IL1RAPL1: variants seen among roughly 807,000 people sequenced by gnomAD.
IL1RAPL1 encodes interleukin-1 receptor accessory protein-like 1.
A neutral mutation model predicts 48.4 loss-of-function variants in IL1RAPL1; 3 were observed. The ratio of observed to expected loss-of-function variants is 0.06; its 90% CI spans 0.03 to 0.16. The LOEUF (loss-of-function observed/expected upper bound fraction) is 0.16, where lower values mean the gene tolerates loss of function less well. IL1RAPL1 is among the 10% of genes least tolerant of loss of function. IL1RAPL1 has a pLI of 1.00. For synonymous variants in IL1RAPL1, 185 were observed against 187.7 expected (o/e 0.99, Z 0.12); for missense variants, 349 against 530.6 (o/e 0.66, Z 3.36).
chrX:29,435,083 G>A (rs1217360333), intron 5 of IL1RAPL1, among the ~76,000 whole-genome samples: 1 of 110,966 alleles, frequency 9.0e-6, no homozygotes, highest in East Asian at 2.8e-4. Context: ...ACTAGCTTAT[G>A]CAATAGCGTA....
At chrX:28,842,454 C>T (rs1483558595) in intron 2 of IL1RAPL1, among the ~76,000 whole-genome samples, 2 of 110,742 alleles carry the variant, frequency 1.8e-5, no homozygotes, top group East Asian at 2.8e-4. Context: ...TCTTTGACCT[C>T]GGCCAAATTC....
chrX:29,514,984 G>T (rs192583308), intron 5 of IL1RAPL1, among the ~76,000 whole-genome samples: 1 of 111,892 alleles, frequency 8.9e-6, no homozygotes, highest in Non-Finnish European at 1.9e-5. Flanking sequence ...CCAGTGTAGT[G>T]GAAGGTGTCA....
intron 6 of IL1RAPL1, among the ~76,000 whole-genome samples, chrX:29,698,984 C>T (rs907568262): frequency 8.9e-6 from 1 of 112,273 alleles, no homozygotes; most frequent in Admixed American, 9.4e-5. Flanking sequence ...GCAAATATTA[C>T]GTGTACATAA....
chrX:29,198,828 T>A (rs1175503944), intron 2 of IL1RAPL1, among the ~76,000 whole-genome samples: 2 of 111,912 alleles, frequency 1.8e-5, no homozygotes, highest in African/African-American at 6.5e-5. Context: ...TCTGTATTTT[T>A]AAAAAAACTT....
intron 2 of IL1RAPL1, among the ~76,000 whole-genome samples, chrX:28,794,111 G>C (rs1220304359): frequency 2.7e-5 from 3 of 110,773 alleles, no homozygotes; most frequent in Non-Finnish European, 5.7e-5. Flanking sequence ...TTTTCTTAAA[G>C]AGCAATCAGT....
intron 5 of IL1RAPL1, among the ~76,000 whole-genome samples, chrX:29,456,648 G>C (rs373930928): frequency 4.5e-5 from 5 of 111,160 alleles, no homozygotes; most frequent in African/African-American, 1.6e-4. Context: ...TTGAAAAGGG[G>C]CTTATCAGTT....
intron 6 of IL1RAPL1, among the ~76,000 whole-genome samples, chrX:29,911,535 A>T (rs1569201069): frequency 8.9e-6 from 1 of 112,292 alleles, no homozygotes; most frequent in Non-Finnish European, 1.9e-5. Flanking sequence ...AGACAGTAGC[A>T]TCTGGTAAAT....
intron 3 of IL1RAPL1, among the ~76,000 whole-genome samples, chrX:29,294,310 C>T (rs1210981112): frequency 6.4e-5 from 7 of 109,646 alleles, no homozygotes; most frequent in Non-Finnish European, 1.3e-4. Flanking sequence ...GGGCAGATCA[C>T]GAGGTCGGGA....
intron 5 of IL1RAPL1, among the ~76,000 whole-genome samples, chrX:29,430,654 A>G (rs1053129237): frequency 7.3e-5 from 8 of 109,930 alleles, no homozygotes; most frequent in Non-Finnish European, 1.1e-4. Flanking sequence ...TTTGGTCTGT[A>G]TCTACATAAA....
chrX:29,691,957 C>G (rs1472013908), intron 6 of IL1RAPL1, among the ~76,000 whole-genome samples: 1 of 112,073 alleles, frequency 8.9e-6, no homozygotes, highest in Non-Finnish European at 1.9e-5. Context: ...ATATTTTCCC[C>G]ATATTTGGGA....
chrX:28,772,511 C>T (rs1794549541), intron 1 of IL1RAPL1, among the ~76,000 whole-genome samples: 1 of 111,312 alleles, frequency 9.0e-6, no homozygotes, highest in African/African-American at 3.3e-5. Context: ...TAGCTTTCCG[C>T]CAGGAAATGT....
intron 2 of IL1RAPL1, among the ~76,000 whole-genome samples, chrX:29,080,923 T>TTTTTCTTTCTTTCTTTCTTTCTTTC (rs1430508549): frequency 1.5e-4 from 13 of 86,169 alleles, no homozygotes; most frequent in Admixed American, 6.8e-4. Context: ...TTTTAAATAT[T>TTTTTCTTTCTTTCTTTCTTTCTTTC]TTTTCTTTCT....
chrX:28,916,168 T>C (rs1923486054), intron 2 of IL1RAPL1, among the ~76,000 whole-genome samples: 1 of 110,696 alleles, frequency 9.0e-6, no homozygotes, highest in African/African-American at 3.3e-5. Flanking sequence ...GTCAAGCATA[T>C]AAAACCTAGA....
Position 29,842,433 on chromosome X carries a change from G to A in IL1RAPL1, c.779-75031G>A, listed in dbSNP as rs1036860579. 5.4e-5 allele frequency among the ~76,000 whole-genome samples: 6 copies of A among 112,004 alleles called. No individual in the cohort carries two copies. The East Asian group carries it at 8.5e-4, about 16-fold the overall frequency. ...AAAGGGCTCGGATGTGTGGAAAACC[G>A]TTCAAAACATTTCATTCAGTGAGAT... On this transcript the variant is annotated intron_variant, in intron 6 of 10. Transcript: ENST00000378993.
At chrX:29,012,424 A>G (rs1926145356) in intron 2 of IL1RAPL1, among the ~76,000 whole-genome samples, 1 of 111,197 alleles carries the variant, frequency 9.0e-6, no homozygotes. Context: ...GCCATCTGTA[A>G]TCCCAGTTAC....
chrX:29,729,823 C>G (rs189586134), intron 6 of IL1RAPL1, among the ~76,000 whole-genome samples: 1 of 111,709 alleles, frequency 9.0e-6, no homozygotes, highest in Non-Finnish European at 1.9e-5. Flanking sequence ...GACATGTCAC[C>G]TATGACCTGT....
At chrX:29,411,619 C>T (rs1015435081) in intron 5 of IL1RAPL1, among the ~76,000 whole-genome samples, 1 of 110,905 alleles carries the variant, frequency 9.0e-6, no homozygotes, top group Non-Finnish European at 1.9e-5. Context: ...CCTTTCTGTC[C>T]GTCCCAGGTG....
chrX:28,930,101 A>G (rs752962251), intron 2 of IL1RAPL1, among the ~76,000 whole-genome samples: 2 of 112,035 alleles, frequency 1.8e-5, no homozygotes, highest in South Asian at 3.7e-4. Flanking sequence ...AGTTAATGGA[A>G]ATCTTATAGA....
At chrX:28,737,151 TTCC>T (rs1225620947) in intron 1 of IL1RAPL1, among the ~76,000 whole-genome samples, 99 of 42,787 alleles carry the variant, frequency 2.3e-3, no homozygotes, top group African/African-American at 7.8e-3. Context: ...CCTTCCTTCC[TTCC>T]TTCCTTCCTT....
Sources: allele counts gnomAD v4.1 joint callset (sites outside exome capture counted in the v4.1 genomes callset), GRCh38; gene constraint gnomAD v4.1.1; transcripts MANE v1.5; gene names NCBI Gene and HGNC (gene_info 2026-07-23, HGNC 2026-07-21).